TSHZ2: variants seen among roughly 807,000 people sequenced by gnomAD.
TSHZ2 encodes the protein teashirt homolog 2.
TSHZ2 carries 21 observed loss-of-function variants against 74.4 expected under a neutral mutation model. The ratio of observed to expected loss-of-function variants is 0.28; its 90% CI spans 0.20 to 0.41. The LOEUF (loss-of-function observed/expected upper bound fraction) is 0.41. Among genes scored for constraint, TSHZ2 ranks in the 10% least tolerant of loss-of-function variants. The pLI is 1.00. For synonymous variants in TSHZ2, 540 were observed against 515.3 expected (o/e 1.05, Z -0.65); for missense variants, 1,244 against 1,293.5 (o/e 0.96, Z 0.59).
chr20:52,973,274 G>A lies in TSHZ2; in HGVS notation c.-20G>A. On this transcript the variant is annotated 5_prime_UTR_variant, in exon 1 of 3. Coordinates refer to ENST00000371497, the MANE Select transcript of TSHZ2 (RefSeq NM_173485.6). ...GCTCGGGGCTGGGGCGCCAGAAGTGGGACTGGAGCGAAGTAGAGGATGCCG... is the reference window on the plus strand; with the variant it reads ...GCTCGGGGCTGGGGCGCCAGAAGTGAGACTGGAGCGAAGTAGAGGATGCCG... 6.4e-7 allele frequency: 1 copy of A among 1,552,378 alleles called. No individual in the cohort carries two copies. Among genetic ancestry groups the A allele is most frequent in the Non-Finnish European group, 8.7e-7 (1 of 1,147,204 alleles).
chr20:53,045,476 T>C (rs950249288), intron 1 of TSHZ2, among the ~76,000 whole-genome samples: 1 of 152,200 alleles, frequency 6.6e-6, no homozygotes, highest in Non-Finnish European at 1.5e-5. Flanking sequence ...TGGGACAATA[T>C]GCATGGTGTA....
intron 1 of TSHZ2, among the ~76,000 whole-genome samples, chr20:53,007,406 C>T (rs1325298274): frequency 1.3e-5 from 2 of 152,136 alleles, no homozygotes; most frequent in Non-Finnish European, 2.9e-5. Flanking sequence ...TGCAATATGG[C>T]AACTGGGCCA....
chr20:53,411,535 AAG>A (rs1272438348), intron 2 of TSHZ2, among the ~76,000 whole-genome samples: 2 of 152,190 alleles, frequency 1.3e-5, no homozygotes, highest in Non-Finnish European at 2.9e-5. Flanking sequence ...AAAGTAACTT[AAG>A]AGTACCTAAG....
At position 53,489,239 on chromosome 20, in the gene TSHZ2, G is replaced by A; in HGVS notation, c.*2104G>A. ...CTGATATTATTTTTTATGATGGGAG[G>A]ATCATAAAGTGAATTGAGAACAGTG... On this transcript the variant is annotated 3_prime_UTR_variant, in exon 3 of 3. Coordinates refer to ENST00000371497, the MANE Select transcript of TSHZ2 (RefSeq NM_173485.6). 2.2e-6 allele frequency: 1 copy of A among 454,240 alleles called. No individual in the cohort carries two copies. The highest frequency in any genetic ancestry group is 4.4e-6 in the Non-Finnish European group (1 of 225,714). The allele number at this position is 454,240 out of a possible 1,614,324, so 28.1% of individuals were successfully genotyped here.
At chr20:53,332,409 A>G (rs889723029) in intron 2 of TSHZ2, among the ~76,000 whole-genome samples, 6 of 152,174 alleles carry the variant, frequency 3.9e-5, no homozygotes, top group African/African-American at 1.4e-4. Context: ...TCAGAGGGGA[A>G]AAGGCAAGAA....
chr20:53,482,969 G>A (rs1241473046), intron 2 of TSHZ2, among the ~76,000 whole-genome samples: 1 of 152,110 alleles, frequency 6.6e-6, no homozygotes, highest in East Asian at 1.9e-4. Context: ...TCCCAAAGTG[G>A]TCCAAGATTC....
chr20:53,148,243 T>A (rs953730248), intron 1 of TSHZ2, among the ~76,000 whole-genome samples: 2 of 152,202 alleles, frequency 1.3e-5, no homozygotes, highest in Admixed American at 6.5e-5. Flanking sequence ...AGAACAGTGG[T>A]TCTCAACTGG....
intron 2 of TSHZ2, among the ~76,000 whole-genome samples, chr20:53,299,790 G>C (rs202130300): frequency 0.1 from 15,809 of 152,056 alleles, 877 homozygotes; most frequent in Middle Eastern, 0.13. Context: ...TTCTTCCTTG[G>C]ACAATTCATT....
intron 1 of TSHZ2, among the ~76,000 whole-genome samples, chr20:53,248,695 T>C (rs942989558): frequency 1.3e-5 from 2 of 152,252 alleles, no homozygotes. Context: ...GCATAGATTC[T>C]GATGCTTTGA....
Position 53,077,465 on chromosome 20 carries a change from TGA to T in TSHZ2, c.40+104136_40+104137del, listed in dbSNP as rs145390394. 8.8e-3 allele frequency among the ~76,000 whole-genome samples: 1,324 copies of T among 149,936 alleles called. 17 individuals are homozygous for T. The highest frequency in any genetic ancestry group is 0.03 in the African/African-American group (1,244 of 40,808). ...GGGATCATCTGTACAGTTGGAGCTG[TGA>T]GAGTGAATTAGTTTTGTTTGAGAAG... On this transcript the variant is annotated intron_variant, in intron 1 of 2. Coordinates refer to ENST00000371497, the MANE Select transcript of TSHZ2 (RefSeq NM_173485.6).
intron 1 of TSHZ2, among the ~76,000 whole-genome samples, chr20:53,014,589 C>T (rs181748035): frequency 1.3e-5 from 2 of 152,244 alleles, no homozygotes; most frequent in African/African-American, 4.8e-5. Context: ...AAGTTCTACC[C>T]TCCTCTTCCT....
intron 1 of TSHZ2, among the ~76,000 whole-genome samples, chr20:53,129,614 C>T (rs1973973067): frequency 6.6e-6 from 1 of 152,132 alleles, no homozygotes; most frequent in East Asian, 1.9e-4. Context: ...CAGTGCTCTT[C>T]TTTACATTTT....
At position 53,253,699 on chromosome 20, in the gene TSHZ2, A is replaced by C. The variant is rs574272211; in HGVS notation, c.241A>C (p.Asn81His). 5.6e-5 allele frequency: 91 copies of C among 1,614,204 alleles called. No individual in the cohort carries two copies. The South Asian group carries it at 1.0e-3, about 18-fold the overall frequency. The change falls in exon 2 of 3, where the codon AAC (asparagine) becomes CAC (histidine). Residue 81 changes from asparagine to histidine, a missense_variant. By Grantham distance (68) the Asn-to-His change is moderately conservative (BLOSUM62 1). Transcript: ENST00000371497. ...GSHLSNQDAE[N>H]ESLLSDASDQ... is the part of the protein sequence containing the mutation. The stretch of plus-strand genomic sequence containing the variant: ...TCATTTGTCCAATCAGGATGCCGAG[A>C]ACGAGTCTCTGCTGAGTGACGCCAG...
At chr20:53,292,653 T>C (rs1991301748) in intron 2 of TSHZ2, among the ~76,000 whole-genome samples, 1 of 152,094 alleles carries the variant, frequency 6.6e-6, no homozygotes, top group African/African-American at 2.4e-5. Context: ...TCTCACTATG[T>C]TGCCCAGTCT....
intron 1 of TSHZ2, among the ~76,000 whole-genome samples, chr20:53,000,119 T>C (rs955468957): frequency 6.6e-6 from 1 of 152,206 alleles, no homozygotes; most frequent in African/African-American, 2.4e-5. Context: ...TTCAAGTAAG[T>C]ATCAGATATA....
intron 1 of TSHZ2, among the ~76,000 whole-genome samples, chr20:53,107,422 C>T (rs760251004): frequency 3.3e-5 from 5 of 152,180 alleles, no homozygotes; most frequent in Admixed American, 1.3e-4. Context: ...GCATCTGTCA[C>T]GTAACAAAAG....
At chr20:53,077,974 C>G (rs1340669337) in intron 1 of TSHZ2, among the ~76,000 whole-genome samples, 2 of 152,224 alleles carry the variant, frequency 1.3e-5, no homozygotes, top group Non-Finnish European at 2.9e-5. Context: ...GGGTGAGTTT[C>G]TGTTACCCAA....
At chr20:53,469,791 AGGAAGGAAGGAAGGACCCAAC>A (rs1276639176) in intron 2 of TSHZ2, among the ~76,000 whole-genome samples, 3,237 of 138,524 alleles carry the variant, frequency 0.023, 247 homozygotes, top group East Asian at 0.054. Context: ...GGAGGGAGGA[AGGAAGGAAGGAAGGACCCAAC>A]AAAGATAGAG....
At chr20:53,325,692 GTT>G (rs1378557689) in intron 2 of TSHZ2, among the ~76,000 whole-genome samples, 1 of 151,890 alleles carries the variant, frequency 6.6e-6, no homozygotes, top group Non-Finnish European at 1.5e-5. Context: ...TTGTTTGTTT[GTT>G]TTTAACTGTG....
Sources: allele counts gnomAD v4.1 joint callset (sites outside exome capture counted in the v4.1 genomes callset), GRCh38; gene constraint gnomAD v4.1.1; transcripts MANE v1.5; gene names NCBI Gene and HGNC (gene_info 2026-07-23, HGNC 2026-07-21).